RPS6KC1: variants seen among roughly 807,000 people sequenced by gnomAD.
RPS6KC1 encodes the protein inactive ribosomal protein S6 kinase delta-1.
RPS6KC1 carries 54 observed loss-of-function variants against 103.8 expected under a neutral mutation model. That is an observed-to-expected ratio of 0.52 (90% CI 0.42 to 0.65). RPS6KC1 has a LOEUF of 0.65. Among genes scored for constraint, RPS6KC1 ranks in the 30% least tolerant of loss-of-function variants. The probability of loss-of-function intolerance (pLI) is 0.00; values close to 1 mark genes in which losing one functional copy is unlikely to be tolerated. For missense variants in RPS6KC1, 1,151 were observed against 1,253.8 expected, an observed-to-expected ratio of 0.92 and a Z score of 1.24; for synonymous variants, 439 against 438.7, an observed-to-expected ratio of 1.00 and a Z score of -0.01.
chr1:213,220,038 A>C (rs193207625), intron 8 of RPS6KC1, among the ~76,000 whole-genome samples: 57 of 152,274 alleles, frequency 3.7e-4, no homozygotes, highest in African/African-American at 1.3e-3. Flanking sequence ...ATTTACCCAA[A>C]GTACTAAATA....
chr1:213,694,239 C>G, the RPS6KC1 span, among the ~76,000 whole-genome samples: 1 of 152,202 alleles, frequency 6.6e-6, no homozygotes, highest in Non-Finnish European at 1.5e-5. Context: ...TGAAAGGCTT[C>G]AAGCTATTGG....
chr1:213,472,390 C>T, the RPS6KC1 span, among the ~76,000 whole-genome samples: 1 of 152,204 alleles, frequency 6.6e-6, no homozygotes, highest in Admixed American at 6.5e-5. Context: ...ATATATTAAC[C>T]TTTATTCTTC....
the RPS6KC1 span, among the ~76,000 whole-genome samples, chr1:213,435,158 T>C: frequency 6.6e-6 from 1 of 152,232 alleles, no homozygotes; most frequent in Admixed American, 6.5e-5. Context: ...GAATGTCTAT[T>C]CTGCTGTTAA....
At chr1:213,522,618 G>A in the RPS6KC1 span, among the ~76,000 whole-genome samples, 87 of 152,366 alleles carry the variant, frequency 5.7e-4, no homozygotes, top group African/African-American at 2.0e-3. Flanking sequence ...CTCCATCAGT[G>A]ATTTTAGCTG....
At chr1:213,815,961 GTTA>G in the RPS6KC1 span, among the ~76,000 whole-genome samples, 1 of 152,138 alleles carries the variant, frequency 6.6e-6, no homozygotes, top group Non-Finnish European at 1.5e-5. Context: ...CCATTGTAGG[GTTA>G]TTATTTGGCC....
intron 1 of RPS6KC1, among the ~76,000 whole-genome samples, chr1:213,059,741 T>C (rs1430714041): frequency 2.0e-5 from 3 of 152,010 alleles, no homozygotes; most frequent in African/African-American, 7.2e-5. Context: ...GGCGTGATCT[T>C]GGCTCACTGC....
At chr1:213,086,394 G>T (rs2080401203) in intron 3 of RPS6KC1, among the ~76,000 whole-genome samples, 1 of 152,140 alleles carries the variant, frequency 6.6e-6, no homozygotes, top group Non-Finnish European at 1.5e-5. Context: ...CATGAAGTTT[G>T]ACCCTCCTAC....
At chr1:213,086,930 C>A (rs181036552) in intron 3 of RPS6KC1, among the ~76,000 whole-genome samples, 2 of 151,782 alleles carry the variant, frequency 1.3e-5, no homozygotes, top group African/African-American at 4.8e-5. Flanking sequence ...ATATTTAGTT[C>A]TCTTTGTACT....
chr1:213,407,720 T>C, the RPS6KC1 span, among the ~76,000 whole-genome samples: 1 of 152,222 alleles, frequency 6.6e-6, no homozygotes, highest in Admixed American at 6.5e-5. Context: ...ATTTTCTAAG[T>C]AGGGCTCTTC....
intron 3 of RPS6KC1, among the ~76,000 whole-genome samples, chr1:213,095,222 T>G (rs1283893823): frequency 1.3e-5 from 2 of 152,250 alleles, no homozygotes; most frequent in African/African-American, 4.8e-5. Context: ...GCTGTTTGGC[T>G]AGAGAGAATT....
the RPS6KC1 span, among the ~76,000 whole-genome samples, chr1:213,428,028 A>G: frequency 3.3e-5 from 5 of 151,944 alleles, no homozygotes; most frequent in Admixed American, 1.3e-4. Context: ...TCCTTCTGTT[A>G]TACTCTGAGA....
At chr1:213,469,417 T>C in the RPS6KC1 span, among the ~76,000 whole-genome samples, 4 of 152,348 alleles carry the variant, frequency 2.6e-5, no homozygotes, top group South Asian at 4.1e-4. Flanking sequence ...TGCCTATCCA[T>C]CCTTTTCTCC....
the RPS6KC1 span, among the ~76,000 whole-genome samples, chr1:213,547,305 T>C: frequency 6.6e-6 from 1 of 152,236 alleles, no homozygotes; most frequent in East Asian, 1.9e-4. Context: ...TGGCTCTAGA[T>C]TTTTTCATTA....
the RPS6KC1 span, among the ~76,000 whole-genome samples, chr1:213,757,918 A>T: frequency 6.6e-6 from 1 of 152,200 alleles, no homozygotes; most frequent in Admixed American, 6.5e-5. Flanking sequence ...TGCTCTATCA[A>T]TGGAGCTACA....
the RPS6KC1 span, among the ~76,000 whole-genome samples, chr1:213,395,453 G>C: frequency 6.6e-6 from 1 of 152,174 alleles, no homozygotes; most frequent in Non-Finnish European, 1.5e-5. Context: ...TGACACCTCT[G>C]ACAGTGCCCC....
chr1:213,419,513 A>C, the RPS6KC1 span, among the ~76,000 whole-genome samples: 1 of 152,314 alleles, frequency 6.6e-6, no homozygotes, highest in East Asian at 1.9e-4. Context: ...AGAGAGGTTA[A>C]GTGACTGGCA....
intron 2 of RPS6KC1, among the ~76,000 whole-genome samples, chr1:213,076,119 G>A (rs371873896): frequency 2.0e-5 from 3 of 152,302 alleles, no homozygotes; most frequent in African/African-American, 4.8e-5. Context: ...ATGCTTAGTG[G>A]AAAGTAGGGC....
the RPS6KC1 span, among the ~76,000 whole-genome samples, chr1:213,286,429 A>G: frequency 2.0e-5 from 3 of 152,372 alleles, no homozygotes; most frequent in African/African-American, 7.2e-5. Flanking sequence ...AAGGACTCAG[A>G]GCCTCCTACT....
At chr1:213,789,021 C>G in the RPS6KC1 span, among the ~76,000 whole-genome samples, 1 of 152,080 alleles carries the variant, frequency 6.6e-6, no homozygotes, top group Non-Finnish European at 1.5e-5. Flanking sequence ...AAACTAGGGC[C>G]CAAGTCTCGG....
Sources: gnomAD v4.1 joint callset for allele counts (sites outside exome capture counted in the v4.1 genomes callset) on GRCh38, gnomAD v4.1.1 for gene constraint, MANE v1.5 for transcripts, NCBI Gene and HGNC (gene_info 2026-07-23, HGNC 2026-07-21) for gene names.